Variants in MTA3 observed in about 807,000 individuals in gnomAD.
MTA3 encodes the protein metastasis associated 1 family member 3, also known as metastasis-associated protein MTA3.
Under a neutral mutation model 83.5 loss-of-function variants are expected in MTA3, and 34 were observed. The observed-to-expected ratio is 0.41, with a 90% CI of 0.31 to 0.54. MTA3 has a LOEUF of 0.54. Ranked by LOEUF, MTA3 falls within the 20% of genes least tolerant of loss-of-function variation. The pLI, the probability that MTA3 is intolerant of heterozygous loss-of-function variation, is 0.33. For missense variants in MTA3, 761 were observed against 726.4 expected, an observed-to-expected ratio of 1.05 and a Z score of -0.55; for synonymous variants, 303 against 252.7, an observed-to-expected ratio of 1.20 and a Z score of -1.89.
intron 8 of MTA3, among the ~76,000 whole-genome samples, chr2:42,660,270 G>T (rs1306133177): frequency 1.3e-5 from 2 of 151,892 alleles, no homozygotes; most frequent in Admixed American, 6.6e-5. Context: ...TGTATTTTTG[G>T]TAGAGACGGG....
chr2:42,682,022 C>T (rs1360386319), intron 8 of MTA3, among the ~76,000 whole-genome samples: 1 of 151,918 alleles, frequency 6.6e-6, no homozygotes, highest in Non-Finnish European at 1.5e-5. Context: ...GCCTGGGCAA[C>T]ATAGCGAGAC....
chr2:42,692,778 A>G (rs927851919), intron 9 of MTA3, among the ~76,000 whole-genome samples: 2 of 152,176 alleles, frequency 1.3e-5, no homozygotes, highest in East Asian at 3.9e-4. Flanking sequence ...TTTGTCCAGC[A>G]TTGGTCCCTC....
chr2:42,597,021 C>G (rs1339574013), intron 3 of MTA3, among the ~76,000 whole-genome samples: 3 of 151,926 alleles, frequency 2.0e-5, no homozygotes, highest in Non-Finnish European at 2.9e-5. Flanking sequence ...TCTCCTCCCT[C>G]AGCCTCCTGA....
rs1666674258 is a variant in MTA3, at chr2:42,712,176, A to T, written c.1525+3080A>T. Among the ~76,000 whole-genome samples the T allele has an allele frequency of 2.0e-5, 3 of 152,226 alleles. No homozygotes were observed. In the South Asian group the frequency reaches 6.2e-4, roughly 31 times the overall value. On this transcript the variant is annotated intron_variant, in intron 14 of 16. Coordinates refer to ENST00000405094, the MANE Select transcript of MTA3 (RefSeq NM_001330442.2). ...TTAAAGCAAATAGTAAAAACAAAAAAGGTCTTTGCAGATTCATAAAATATC... is the reference window on the plus strand; with the variant it reads ...TTAAAGCAAATAGTAAAAACAAAAATGGTCTTTGCAGATTCATAAAATATC...
At chr2:42,540,942 G>T (rs1251856875) in intron 2 of MTA3, among the ~76,000 whole-genome samples, 1 of 151,874 alleles carries the variant, frequency 6.6e-6, no homozygotes, top group African/African-American at 2.4e-5. Context: ...TACTACACAT[G>T]GTCCCTGACT....
Position 42,756,092 on chromosome 2 carries a change from G to A in MTA3, c.*2693G>A, listed in dbSNP as rs773355600. The A allele has an allele frequency of 2.7e-4, 248 of 919,254 alleles. No homozygotes were observed. Among genetic ancestry groups the A allele is most frequent in the Non-Finnish European group, 3.0e-4 (234 of 769,584 alleles). The allele number at this position is 919,254 out of a possible 1,614,324, so 56.9% of individuals were successfully genotyped here. A position where few individuals can be genotyped will look rare whatever the true frequency, so the allele number is the denominator to read the frequency against. ...AACACAAAACAAGAAAAGCTGAGAG[G>A]CAAAACAGGGGAGTGAGGGGCAACC... On this transcript the variant is annotated 3_prime_UTR_variant, in exon 17 of 17. Transcript: ENST00000405094.
At chr2:42,520,162 C>T (rs1675354638) in intron 2 of MTA3, among the ~76,000 whole-genome samples, 1 of 152,150 alleles carries the variant, frequency 6.6e-6, no homozygotes, top group Non-Finnish European at 1.5e-5. Context: ...AGTAGTTGCC[C>T]TATGGAACTG....
chr2:42,738,756 AAG>A (rs1668791797), intron 16 of MTA3, among the ~76,000 whole-genome samples: 1 of 152,222 alleles, frequency 6.6e-6, no homozygotes. Flanking sequence ...GTCCCTGAGA[AAG>A]AGAATGCGCA....
intron 9 of MTA3, among the ~76,000 whole-genome samples, chr2:42,692,962 A>G (rs1212896332): frequency 5.9e-5 from 9 of 152,194 alleles, no homozygotes; most frequent in Non-Finnish European, 1.3e-4. Context: ...CTCAAGCCCA[A>G]TATCACTGTG....
intron 4 of MTA3, among the ~76,000 whole-genome samples, chr2:42,633,674 A>G (rs764910621): frequency 7.2e-5 from 11 of 151,888 alleles, no homozygotes; most frequent in Non-Finnish European, 1.3e-4. Flanking sequence ...GGCGGATCAC[A>G]AGGTCAGGAG....
chr2:42,531,159 G>A (rs1675945759), intron 2 of MTA3, among the ~76,000 whole-genome samples: 1 of 152,126 alleles, frequency 6.6e-6, no homozygotes, highest in South Asian at 2.1e-4. Flanking sequence ...GGTGGAGCCT[G>A]TTGGTAAGTA....
At chr2:42,708,157 G>T in intron 13 of MTA3, 103 bp downstream of exon 13, 1 of 1,216,508 alleles carries the variant, frequency 8.2e-7, no homozygotes, top group South Asian at 2.0e-5. Flanking sequence ...AATGAAGAAA[G>T]CTACCTTTAT....
At chr2:42,577,698 C>G (rs893250155) in intron 2 of MTA3, among the ~76,000 whole-genome samples, 4 of 152,106 alleles carry the variant, frequency 2.6e-5, no homozygotes, top group Non-Finnish European at 5.9e-5. Context: ...CCAGGCTGGT[C>G]TAGAACTCCT....
chr2:42,617,066 A>C (rs570165349), intron 4 of MTA3, among the ~76,000 whole-genome samples: 1 of 152,364 alleles, frequency 6.6e-6, no homozygotes, highest in South Asian at 2.1e-4. Context: ...TTGTGAAACA[A>C]AACCAATTTA....
chr2:42,576,243 G>A (rs1348559714), intron 2 of MTA3, among the ~76,000 whole-genome samples: 1 of 152,150 alleles, frequency 6.6e-6, no homozygotes, highest in African/African-American at 2.4e-5. Context: ...GTAATGAATT[G>A]TATTAACTTC....
chr2:42,695,204 G>A (rs576076323), intron 9 of MTA3, among the ~76,000 whole-genome samples: 2 of 151,972 alleles, frequency 1.3e-5, no homozygotes, highest in Non-Finnish European at 2.9e-5. Flanking sequence ...AATGAGAAAT[G>A]GAATGTGTTG....
intron 9 of MTA3, among the ~76,000 whole-genome samples, chr2:42,683,026 G>A (rs1405667852): frequency 2.0e-5 from 3 of 152,146 alleles, no homozygotes; most frequent in Non-Finnish European, 2.9e-5. Context: ...AGCCGAGATG[G>A]CACCACTGCA....
At chr2:42,605,189 C>T (rs1302444096) in intron 3 of MTA3, among the ~76,000 whole-genome samples, 25 of 141,946 alleles carry the variant, frequency 1.8e-4, no homozygotes, top group African/African-American at 4.5e-4. Flanking sequence ...ACCTCCCGGA[C>T]GGGGCGGCTG....
intron 4 of MTA3, among the ~76,000 whole-genome samples, chr2:42,639,583 A>G (rs533334004): frequency 6.6e-6 from 1 of 152,272 alleles, no homozygotes; most frequent in South Asian, 2.1e-4. Context: ...AGGTCCGTGG[A>G]TCTGTCGATG....
Sources: gnomAD v4.1 joint callset for allele counts (sites outside exome capture counted in the v4.1 genomes callset) on GRCh38, gnomAD v4.1.1 for gene constraint, MANE v1.5 for transcripts, NCBI Gene and HGNC (gene_info 2026-07-23, HGNC 2026-07-21) for gene names.